The following LRIG1 variants were observed in gnomAD, a reference collection of about 807,000 sequenced individuals.
LRIG1 encodes the protein leucine rich repeats and immunoglobulin like domains 1, also known as leucine-rich repeats and immunoglobulin-like domains protein 1.
Under a neutral mutation model 99.2 loss-of-function variants are expected in LRIG1, and 48 were observed. The observed-to-expected ratio is 0.48, with a 90% confidence interval of 0.38 to 0.62. LRIG1 has a LOEUF of 0.62. Among genes scored for constraint, LRIG1 ranks in the 20% least tolerant of loss-of-function variants. LRIG1 has a pLI of 0.00. For synonymous variants in LRIG1, 772 were observed against 596.1 expected (o/e 1.29, Z -4.30); for missense variants, 1,646 against 1,434.4 (o/e 1.15, Z -2.38).
At chr3:66,456,564 T>G (rs1700225705) in intron 2 of LRIG1, among the ~76,000 whole-genome samples, 1 of 123,974 alleles carries the variant, frequency 8.1e-6, no homozygotes, top group Admixed American at 9.0e-5. Context: ...CAGAGTGAGA[T>G]CCTGTCTTAA....
intron 3 of LRIG1, among the ~76,000 whole-genome samples, chr3:66,435,071 A>ATGG (rs78768970): frequency 0.35 from 52,077 of 149,764 alleles, 10,429 homozygotes; most frequent in Middle Eastern, 0.47. Flanking sequence ...TGGTTAAAGT[A>ATGG]CGGCACATCC....
chr3:66,477,079 A>C (rs1484085179), intron 1 of LRIG1, among the ~76,000 whole-genome samples: 1 of 152,182 alleles, frequency 6.6e-6, no homozygotes, highest in African/African-American at 2.4e-5. Flanking sequence ...GGTCAGTTTT[A>C]TTTTTTTCTT....
intron 6 of LRIG1, among the ~76,000 whole-genome samples, chr3:66,410,763 A>C (rs530511009): frequency 1.3e-5 from 2 of 152,192 alleles, no homozygotes; most frequent in Non-Finnish European, 2.9e-5. Flanking sequence ...TAGAAAGGAG[A>C]GCGAATAGGA....
At chr3:66,412,710 A>G (rs912159101) in intron 6 of LRIG1, among the ~76,000 whole-genome samples, 161 bp downstream of exon 6, 5 of 151,966 alleles carry the variant, frequency 3.3e-5, no homozygotes, top group African/African-American at 1.2e-4. Context: ...GCGCACGCAC[A>G]CACACCCCAC....
chr3:66,470,221 T>C (rs930382629), intron 1 of LRIG1, among the ~76,000 whole-genome samples: 1 of 152,218 alleles, frequency 6.6e-6, no homozygotes, highest in African/African-American at 2.4e-5. Flanking sequence ...GTCTCACCCA[T>C]GCCCTCTTTA....
chr3:66,442,536 A>G (rs950641800), intron 3 of LRIG1, among the ~76,000 whole-genome samples: 3 of 151,842 alleles, frequency 2.0e-5, no homozygotes, highest in Non-Finnish European at 4.4e-5. Flanking sequence ...TTCACACGGG[A>G]GATTGTGCAA....
chr3:66,493,490 C>T (rs1419194945), intron 1 of LRIG1, among the ~76,000 whole-genome samples: 1 of 152,210 alleles, frequency 6.6e-6, no homozygotes, highest in African/African-American at 2.4e-5. Flanking sequence ...TGTGGCACTT[C>T]ATACATATCA....
intron 3 of LRIG1, among the ~76,000 whole-genome samples, chr3:66,447,708 T>C (rs933954218): frequency 6.6e-6 from 1 of 152,196 alleles, no homozygotes; most frequent in East Asian, 1.9e-4. Flanking sequence ...CTATACCACA[T>C]ACATTTTTAC....
chr3:66,412,641 G>T (rs1702506007), intron 6 of LRIG1, among the ~76,000 whole-genome samples: 1 of 152,230 alleles, frequency 6.6e-6, no homozygotes, highest in African/African-American at 2.4e-5. Context: ...CTGGGCACTG[G>T]TGCCCCACTC....
chr3:66,443,950 G>A (rs1703631500), intron 3 of LRIG1, among the ~76,000 whole-genome samples: 1 of 152,176 alleles, frequency 6.6e-6, no homozygotes, highest in African/African-American at 2.4e-5. Flanking sequence ...GGGGCAGGTG[G>A]GGACCCCAGT....
At chr3:66,407,539 C>G in intron 7 of LRIG1, 48 bp from the exon 8 acceptor site, 3 of 1,600,012 alleles carry the variant, frequency 1.9e-6, no homozygotes, top group Non-Finnish European at 2.6e-6. Flanking sequence ...TGGTTGCCCC[C>G]CAACCCCACC....
chr3:66,399,912 G>T (rs1266341958), intron 9 of LRIG1, among the ~76,000 whole-genome samples: 1 of 152,246 alleles, frequency 6.6e-6, no homozygotes, highest in African/African-American at 2.4e-5. Flanking sequence ...CACCTGAGAT[G>T]TCCTGGCAGC....
At chr3:66,431,957 G>A (rs939676200) in intron 3 of LRIG1, among the ~76,000 whole-genome samples, 8 of 152,234 alleles carry the variant, frequency 5.3e-5, no homozygotes, top group Admixed American at 2.0e-4. Flanking sequence ...TGTTCTCACA[G>A]TACGATGATA....
chr3:66,434,298 C>CA (rs1703269841), intron 3 of LRIG1, among the ~76,000 whole-genome samples: 1 of 151,998 alleles, frequency 6.6e-6, no homozygotes, highest in Non-Finnish European at 1.5e-5. Flanking sequence ...AGAAAATGGG[C>CA]AAAAGGCATG....
At position 66,429,266 on chromosome 3, in the gene LRIG1, C is replaced by A. The variant is rs138584619; in HGVS notation, c.366-12000G>T. On this transcript the variant is annotated intron_variant, in intron 3 of 18. Transcript: ENST00000273261. Reference sequence around the variant, plus strand: ...AACTTACACCCATTGAACTGAAAGCCCCGGATCCCTGAAACGAAAAAATCT... The same window carrying A: ...AACTTACACCCATTGAACTGAAAGCACCGGATCCCTGAAACGAAAAAATCT... Among the ~76,000 whole-genome samples the A allele has an allele frequency of 1.9e-3, 284 of 152,262 alleles. 2 individuals carry two copies. The highest frequency in any genetic ancestry group is 6.6e-3 in the African/African-American group (274 of 41,550).
chr3:66,446,617 G>A (rs945984194), intron 3 of LRIG1, among the ~76,000 whole-genome samples: 1 of 151,762 alleles, frequency 6.6e-6, no homozygotes, highest in African/African-American at 2.4e-5. Context: ...TTTTGGCCAG[G>A]CTGGTCTCGA....
At chr3:66,499,908 C>T (rs1334142607) in intron 1 of LRIG1, among the ~76,000 whole-genome samples, 1 of 149,792 alleles carries the variant, frequency 6.7e-6, no homozygotes, top group Non-Finnish European at 1.5e-5. Flanking sequence ...ACGACGCGTG[C>T]TGGCTAACCC....
At chr3:66,486,109 G>A (rs1479834059) in intron 1 of LRIG1, among the ~76,000 whole-genome samples, 1 of 152,186 alleles carries the variant, frequency 6.6e-6, no homozygotes, top group East Asian at 1.9e-4. Flanking sequence ...AGTTAAGATG[G>A]TGATGATCAG....
intron 3 of LRIG1, among the ~76,000 whole-genome samples, chr3:66,433,406 G>C (rs1402666752): frequency 1.3e-5 from 2 of 152,290 alleles, no homozygotes; most frequent in East Asian, 3.9e-4. Flanking sequence ...GTTACACATG[G>C]GCCCCTCACC....
Sources: gnomAD v4.1 joint callset for allele counts (sites outside exome capture counted in the v4.1 genomes callset) on GRCh38, gnomAD v4.1.1 for gene constraint, MANE v1.5 for transcripts, NCBI Gene and HGNC (gene_info 2026-07-23, HGNC 2026-07-21) for gene names.